Variants in CDH23 observed in about 807,000 individuals in gnomAD.
CDH23 encodes cadherin-23.
CDH23 carries 189 observed loss-of-function variants against 317.1 expected under a neutral mutation model. The observed-to-expected ratio is 0.60, with a 90% CI of 0.53 to 0.67. The LOEUF (loss-of-function observed/expected upper bound fraction) is 0.67, where lower values mean the gene tolerates loss of function less well. Among genes scored for constraint, CDH23 ranks in the 30% least tolerant of loss-of-function variants. The pLI is 0.00. For missense variants in CDH23, 4,401 were observed against 4,592.4 expected (o/e 0.96, Z 1.20); for synonymous variants, 1,839 against 1,876.8 (o/e 0.98, Z 0.52).
Position 71,799,112 on chromosome 10 carries a change from G to C in CDH23, c.7056G>C (p.Gly2352=), listed in dbSNP as rs1589428423. ...GYVQLEDSSA[G]KVIANRTVDY... ...GCAGTGGGAGCCTCTGTGTCTTAGG[G>C]AAGGTCATTGCCAACCGGACAGTGG... Residue 2352 remains glycine (G), a splice_region_variant and synonymous_variant, in exon 51 of 70, where the codon GGG becomes GGC. Coordinates refer to ENST00000224721, the MANE Select transcript of CDH23 (RefSeq NM_022124.6). 6.2e-7 allele frequency: 1 copy of C among 1,612,516 alleles called. No homozygotes were observed. Among genetic ancestry groups the C allele is most frequent in the East Asian group, 2.2e-5 (1 of 44,866 alleles).
chr10:71,482,049 G>T (rs1478789804), intron 3 of CDH23, among the ~76,000 whole-genome samples: 1 of 152,136 alleles, frequency 6.6e-6, no homozygotes, highest in African/African-American at 2.4e-5. Context: ...CCTGACTGAG[G>T]CCCTTCGCAA....
In CDH23 at chr10:71,811,572, A is replaced by G. The variant is rs1424528208; in HGVS notation, c.9260A>G (p.Asn3087Ser). ...GCCGCCATGCTCTTTGTCCTCATGA[A>G]CTGGTACTACAGGACTGTGTGAGTG... ...FLAAMLFVLM[N>S]WYYRTVHKRK... Residue 3087 changes from asparagine to serine, a missense_variant, in exon 64 of 70, where the codon AAC (asparagine) becomes AGC (serine). By Grantham distance (46) the Asn-to-Ser change is conservative. Coordinates refer to ENST00000224721, the MANE Select transcript of CDH23 (RefSeq NM_022124.6). 1 of 1,613,830 alleles carries G rather than the reference A, an allele frequency of 6.2e-7. No homozygotes were observed. The highest frequency in any genetic ancestry group is 8.5e-7 in the Non-Finnish European group (1 of 1,179,866).
intron 14 of CDH23, among the ~76,000 whole-genome samples, chr10:71,650,280 C>G (rs569561602): frequency 1.3e-5 from 2 of 152,310 alleles, no homozygotes; most frequent in South Asian, 4.1e-4. Flanking sequence ...GCACTTTGCT[C>G]AGGGAAGCAG....
intron 47 of CDH23, among the ~76,000 whole-genome samples, chr10:71,792,861 A>C (rs1043717171): frequency 9.2e-5 from 11 of 120,166 alleles, no homozygotes; most frequent in African/African-American, 3.4e-4. Context: ...AAATATATAT[A>C]TATATATATA....
intron 38 of CDH23, chr10:71,773,282 C>T (rs952122983): frequency 6.7e-7 from 1 of 1,493,572 alleles, no homozygotes; most frequent in Non-Finnish European, 9.1e-7. Context: ...CCAGGACGCC[C>T]CCATCCCACA....
chr10:71,760,632 A>T, intron 38 of CDH23: 1 of 513,192 alleles, frequency 1.9e-6, no homozygotes, highest in Non-Finnish European at 3.5e-6. Flanking sequence ...GCCAAGGCAC[A>T]GCCACTCCAG....
At chr10:71,578,812 G>T (rs116871003) in intron 9 of CDH23, among the ~76,000 whole-genome samples, 1 of 152,172 alleles carries the variant, frequency 6.6e-6, no homozygotes, top group Non-Finnish European at 1.5e-5. Context: ...GTTGATGGCC[G>T]AAAGGACATC....
chr10:71,639,605 G>A (rs1742251935), intron 11 of CDH23, among the ~76,000 whole-genome samples: 1 of 152,216 alleles, frequency 6.6e-6, no homozygotes, highest in Non-Finnish European at 1.5e-5. Flanking sequence ...TGAGTTCCAA[G>A]CCTTCCTTGG....
Position 71,809,957 on chromosome 10 carries a change from G to A in CDH23, c.8860G>A (p.Asp2954Asn), listed in dbSNP as rs756793995. ...AIIGIYILRD[D>N]QRVKIVINEI... ...CATCGGCATCTACATCCTGAGGGAC[G>A]ACCAGCGCGTCAAGATCGTCATTAA... The change falls in exon 61 of 70, where the codon GAC (aspartate) becomes AAC (asparagine). Residue 2954 changes from aspartate to asparagine, a missense_variant. By Grantham distance (23) the Asp-to-Asn change is conservative. Coordinates refer to ENST00000224721, the MANE Select transcript of CDH23 (RefSeq NM_022124.6). The A allele has an allele frequency of 2.4e-5, 38 of 1,612,152 alleles. No homozygotes were observed. The South Asian group carries it at 2.5e-4, about 11-fold the overall frequency.
At chr10:71,803,982 CAAAAAAAAA>C (rs35814351) in intron 55 of CDH23, among the ~76,000 whole-genome samples, 1 of 130,690 alleles carries the variant, frequency 7.7e-6, no homozygotes, top group Non-Finnish European at 1.6e-5. Flanking sequence ...GAGACTTTGT[CAAAAAAAAA>C]AAAAAAAAAA....
rs371772345 is a variant in CDH23 at position 71,588,062 on chromosome 10, G to A, written c.832+10070G>A. On this transcript the variant is annotated intron_variant, in intron 9 of 69. Coordinates refer to ENST00000224721, the MANE Select transcript of CDH23 (RefSeq NM_022124.6). ...GGAGCAGGAAGGATGACAGAACTTG[G>A]TGGGGGCCGTAGGAGGGAGACCCCC... Among the ~76,000 whole-genome samples the A allele has an allele frequency of 9.0e-4, 137 of 152,258 alleles. 1 individual carries two copies. The highest frequency in any genetic ancestry group is 1.4e-3 in the African/African-American group (58 of 41,548).
Position 71,673,338 on chromosome 10 carries a change from C to G in CDH23, c.1450-1774C>G, listed in dbSNP as rs555068394. On this transcript the variant is annotated intron_variant, in intron 14 of 69. Transcript: ENST00000224721. ...GCCTCCACACCACAGTGACCCCTCGCCAAGGGGTTCAATGACATGGCAGTC... is the reference window on the plus strand; with the variant it reads ...GCCTCCACACCACAGTGACCCCTCGGCAAGGGGTTCAATGACATGGCAGTC... Among the ~76,000 whole-genome samples, 4 of 152,350 alleles carry G rather than the reference C, an allele frequency of 2.6e-5. No individual in the cohort carries two copies. The South Asian group carries it at 8.3e-4, about 32-fold the overall frequency.
rs185321577 is a variant in CDH23, at chr10:71,485,191, T to C, written c.146-24891T>C. On this transcript the variant is annotated intron_variant, in intron 3 of 69. Transcript: ENST00000224721. The stretch of plus-strand genomic sequence containing the variant: ...ACAGGTATGTGCCACCATGCCCGGC[T>C]AATTTTTGTATTTTTAGTAGAGACG... Among the ~76,000 whole-genome samples the C allele has an allele frequency of 1.6e-3, 244 of 152,098 alleles. 1 individual carries two copies. The highest frequency in any genetic ancestry group is 5.6e-3 in the African/African-American group (232 of 41,482).
chr10:71,776,195 A>G (rs912417080), intron 38 of CDH23, among the ~76,000 whole-genome samples: 26 of 152,330 alleles, frequency 1.7e-4, no homozygotes, highest in South Asian at 6.2e-4. Flanking sequence ...AAACCGTTTC[A>G]GCAAACACCC....
At position 71,812,532 on chromosome 10, in the gene CDH23, C is replaced by T. The variant is rs771555570; in HGVS notation, c.9433C>T (p.Gln3145Ter). ...PFCRNLELAA[Q>*]AEHEDDLPEN... Reference sequence around the variant, plus strand: ...CTGTCGGAACCTGGAGCTGGCCGCCCAGGCGGAGCATGAGGATGACCTACC... The same window carrying T: ...CTGTCGGAACCTGGAGCTGGCCGCCTAGGCGGAGCATGAGGATGACCTACC... The change falls in exon 67 of 70, where the codon CAG becomes TAG. Residue 3145 changes from glutamine to a stop codon, truncating the protein, a stop_gained. Transcript: ENST00000224721. LOFTEE classifies it high-confidence loss of function. 1.2e-6 allele frequency: 2 copies of T among 1,613,956 alleles called. No individual in the cohort carries two copies. The highest frequency in any genetic ancestry group is 1.7e-6 in the Non-Finnish European group (2 of 1,179,900).
chr10:71,559,726 G>A (rs1047467155), intron 6 of CDH23, among the ~76,000 whole-genome samples: 1 of 152,190 alleles, frequency 6.6e-6, no homozygotes, highest in Non-Finnish European at 1.5e-5. Flanking sequence ...AGTGACTTAG[G>A]GCCCAGGCCA....
chr10:71,403,396 TTTCTTTCTTTCTCTTCCTTCCTTCCTTC>T (rs1847912461), intron 1 of CDH23, among the ~76,000 whole-genome samples: 2 of 97,324 alleles, frequency 2.1e-5, no homozygotes, highest in African/African-American at 9.8e-5. Context: ...TCTTTCTTTC[TTTCTTTCTTTCTCTTCCTTCCTTCCTTC>T]CTTCCTTCCT....
At chr10:71,781,463 G>A (rs547474237) in intron 41 of CDH23, among the ~76,000 whole-genome samples, 1 of 152,284 alleles carries the variant, frequency 6.6e-6, no homozygotes, top group East Asian at 1.9e-4. Flanking sequence ...GGAGGATGCC[G>A]GCACCTGGTG....
intron 20 of CDH23, among the ~76,000 whole-genome samples, chr10:71,693,679 GC>G (rs1392743006): frequency 6.6e-6 from 1 of 152,126 alleles, no homozygotes; most frequent in Non-Finnish European, 1.5e-5. Context: ...CCCCACAATA[GC>G]CCTATGAGGT....
Sources: allele counts gnomAD v4.1 joint callset (sites outside exome capture counted in the v4.1 genomes callset), GRCh38; gene constraint gnomAD v4.1.1; transcripts MANE v1.5; gene names NCBI Gene and HGNC (gene_info 2026-07-23, HGNC 2026-07-21).